SRGAP2: variants seen among roughly 807,000 people sequenced by gnomAD.
SRGAP2 encodes the protein SLIT-ROBO Rho GTPase activating protein 2, also known as SLIT-ROBO Rho GTPase-activating protein 2.
In SRGAP2, 15 loss-of-function variants were observed where a neutral mutation model predicts 57.2. The ratio of observed to expected loss-of-function variants is 0.26; its 90% CI spans 0.18 to 0.40. The LOEUF (loss-of-function observed/expected upper bound fraction) is 0.40, where lower values mean the gene tolerates loss of function less well. Ranked by LOEUF, SRGAP2 falls within the 10% of genes least tolerant of loss-of-function variation. The pLI, the probability that SRGAP2 is intolerant of heterozygous loss-of-function variation, is 1.00. For synonymous variants in SRGAP2, 249 were observed against 248.0 expected, an observed-to-expected ratio of 1.00 and a Z score of -0.04; for missense variants, 520 against 669.6, an observed-to-expected ratio of 0.78 and a Z score of 2.47.
chr1:206,326,599 T>G (rs1281676126), intron 3 of SRGAP2, among the ~76,000 whole-genome samples: 1 of 152,244 alleles, frequency 6.6e-6, no homozygotes, highest in African/African-American at 2.4e-5. Context: ...TCAGGAGACC[T>G]GGATTCTTGC....
At chr1:206,229,662 C>G (rs1457077149) in intron 2 of SRGAP2, among the ~76,000 whole-genome samples, 1 of 152,142 alleles carries the variant, frequency 6.6e-6, no homozygotes, top group East Asian at 1.9e-4. Context: ...AACACCTTGA[C>G]TCTCTTTTTA....
chr1:206,450,788 C>T (rs1553375599), intron 19 of SRGAP2, among the ~76,000 whole-genome samples: 1 of 152,076 alleles, frequency 6.6e-6, no homozygotes, highest in African/African-American at 2.4e-5. Flanking sequence ...TGCCAGACAG[C>T]TGGAGAACAA....
intron 4 of SRGAP2, among the ~76,000 whole-genome samples, chr1:206,344,101 C>G (rs546338136): frequency 1.2e-3 from 182 of 152,120 alleles, no homozygotes; most frequent in African/African-American, 4.2e-3. Flanking sequence ...CTTTCCAGTT[C>G]TCAGGAATTT....
At chr1:206,281,458 AG>A (rs1670731172) in intron 2 of SRGAP2, among the ~76,000 whole-genome samples, 1 of 107,942 alleles carries the variant, frequency 9.3e-6, no homozygotes, top group Non-Finnish European at 1.7e-5. Context: ...ACACCTGCCC[AG>A]GGAACCTGGA....
intron 2 of SRGAP2, among the ~76,000 whole-genome samples, chr1:206,295,490 T>G (rs1671540694): frequency 6.6e-6 from 1 of 151,692 alleles, no homozygotes; most frequent in East Asian, 1.9e-4. Context: ...CACAAAGTGC[T>G]GGGATTACAG....
At chr1:206,305,831 A>G (rs1193392252) in intron 3 of SRGAP2, among the ~76,000 whole-genome samples, 1 of 152,050 alleles carries the variant, frequency 6.6e-6, no homozygotes, top group South Asian at 2.1e-4. Flanking sequence ...TGAGGAGAAC[A>G]TGACATCTCA....
chr1:206,396,137 C>T (rs1285998006), intron 7 of SRGAP2, among the ~76,000 whole-genome samples: 27 of 151,040 alleles, frequency 1.8e-4, no homozygotes, highest in African/African-American at 5.9e-4. Context: ...CACCCGCCAC[C>T]ACGCCCAGCT....
intron 7 of SRGAP2, among the ~76,000 whole-genome samples, chr1:206,398,721 G>A (rs1657857784): frequency 6.6e-6 from 1 of 152,140 alleles, no homozygotes; most frequent in Admixed American, 6.5e-5. Flanking sequence ...GGGGTGATAT[G>A]ACATGGCAAG....
At chr1:206,341,880 C>G (rs1202884487) in intron 3 of SRGAP2, among the ~76,000 whole-genome samples, 1 of 152,064 alleles carries the variant, frequency 6.6e-6, no homozygotes, top group East Asian at 1.9e-4. Context: ...TGCCTATAAT[C>G]CCAGCTACTA....
At chr1:206,414,775 G>A (rs1487678753) in intron 10 of SRGAP2, among the ~76,000 whole-genome samples, 2 of 152,226 alleles carry the variant, frequency 1.3e-5, no homozygotes, top group Non-Finnish European at 2.9e-5. Flanking sequence ...AATCTTATCT[G>A]TAATAAGGAA....
chr1:206,224,221 G>A (rs1553305149), intron 2 of SRGAP2, among the ~76,000 whole-genome samples: 2 of 152,032 alleles, frequency 1.3e-5, no homozygotes, highest in East Asian at 1.9e-4. Context: ...ACCTAGCAGC[G>A]AGGGAAGTGC....
chr1:206,454,189 T>A lies in SRGAP2; in HGVS notation c.2361-689T>A. ...TGCACCCTCCCAGCCTCTTCCCGGC[T>A]CGTTCTGCAGGGAAATCCTCCCTCT... On this transcript the variant is annotated intron_variant, in intron 20 of 22. Coordinates refer to ENST00000573034, the MANE Select transcript of SRGAP2 (RefSeq NM_015326.5). This position sits in a 1 kb window ranked among gnomAD's most constrained non-coding sequence, Gnocchi z 4.3. 1 of 702,420 alleles carries A rather than the reference T, an allele frequency of 1.4e-6. No individual in the cohort carries two copies. Among genetic ancestry groups the A allele is most frequent in the Non-Finnish European group, 2.6e-6 (1 of 384,934 alleles). The allele number at this position is 702,420 out of a possible 1,614,324, so 43.5% of individuals were successfully genotyped here.
rs1172607391 is a variant in SRGAP2, at chr1:206,426,128, C to G, written c.1495-4034C>G. Among the ~76,000 whole-genome samples the G allele has an allele frequency of 2.0e-5, 3 of 152,100 alleles. No homozygotes were observed. In the South Asian group the frequency reaches 6.2e-4, roughly 31 times the overall value. On this transcript the variant is annotated intron_variant, in intron 13 of 22. Transcript: ENST00000573034. ...CAACCTCACTTCTTGACCCCTCACT[C>G]CCCGCTACCCTTCCCAGTCTCCAGA...
intron 2 of SRGAP2, among the ~76,000 whole-genome samples, chr1:206,281,915 A>C (rs1237873393): frequency 1.3e-5 from 2 of 150,808 alleles, no homozygotes; most frequent in Non-Finnish European, 3.0e-5. Flanking sequence ...CTCCGTCACA[A>C]AAAAAAAAAC....
chr1:206,289,582 G>GTT (rs1178496469), intron 2 of SRGAP2, among the ~76,000 whole-genome samples: 7 of 141,062 alleles, frequency 5.0e-5, no homozygotes, highest in South Asian at 2.2e-4. Context: ...CAGCTGGACT[G>GTT]TTTTTTTTTT....
chr1:206,424,411 T>C lies in SRGAP2; in HGVS notation c.1494+3137T>C, dbSNP rs1458970350. Among the ~76,000 whole-genome samples the C allele has an allele frequency of 3.3e-5, 5 of 152,148 alleles. No homozygotes were observed. In the East Asian group the frequency reaches 9.6e-4, roughly 29 times the overall value. On this transcript the variant is annotated intron_variant, in intron 13 of 22. Coordinates refer to ENST00000573034, the MANE Select transcript of SRGAP2 (RefSeq NM_015326.5). ...TGCTCACGCCTTTAGTCCCAGCACT[T>C]TGGGAGGCCCAGATGGGCGGATCAC...
chr1:206,265,937 A>T (rs1335010765), intron 2 of SRGAP2, among the ~76,000 whole-genome samples: 1 of 151,554 alleles, frequency 6.6e-6, no homozygotes, highest in Non-Finnish European at 1.5e-5. Flanking sequence ...TTGCCTCTTA[A>T]ATAGGTAAAC....
At chr1:206,441,295 G>T (rs1438867308) in intron 17 of SRGAP2, among the ~76,000 whole-genome samples, 2 of 152,198 alleles carry the variant, frequency 1.3e-5, no homozygotes, top group African/African-American at 4.8e-5. Flanking sequence ...AGCTGCCAGT[G>T]CAGGAGTTGC....
chr1:206,454,885 G>A lies in SRGAP2; in HGVS notation c.2368G>A (p.Gly790Ser), dbSNP rs782351219. 6 of 767,290 alleles carry A rather than the reference G, an allele frequency of 7.8e-6. No individual in the cohort carries two copies. Among genetic ancestry groups the A allele is most frequent in the Non-Finnish European group, 1.5e-5 (6 of 409,594 alleles). 47.5% of individuals were successfully genotyped at this position (767,290 alleles called of 1,614,324 possible). A position where few individuals can be genotyped will look rare whatever the true frequency, so the allele number is the denominator to read the frequency against. Reference protein sequence around the residue: ...QYIVVQDTEDGVVERSSPKSE... With the variant: ...QYIVVQDTEDSVVERSSPKSE... Reference sequence around the variant, plus strand: ...CTGCCCCTTCTCCCCCAGCGAGGACGGTGTCGTGGAGAGGTCCAGCCCCAA... The same window carrying A: ...CTGCCCCTTCTCCCCCAGCGAGGACAGTGTCGTGGAGAGGTCCAGCCCCAA... Residue 790 changes from glycine (G) to serine (S), a missense_variant, in exon 21 of 23, where the codon GGT becomes AGT. By Grantham distance (56) the Gly-to-Ser change is moderately conservative. Transcript: ENST00000573034. The surrounding 1 kb of genome is among the most constrained non-coding windows in gnomAD (Gnocchi z 4.3).
Sources: gnomAD v4.1 joint callset for allele counts (sites outside exome capture counted in the v4.1 genomes callset) on GRCh38, gnomAD v4.1.1 for gene constraint, Gnocchi (gnomAD v3.1) non-coding constraint, MANE v1.5 for transcripts, NCBI Gene and HGNC (gene_info 2026-07-23, HGNC 2026-07-21) for gene names.